EYS: variants seen among roughly 807,000 people sequenced by gnomAD.
The protein encoded by EYS is protein eyes shut homolog.
A neutral mutation model predicts 282.1 loss-of-function variants in EYS; 250 were observed. The ratio of observed to expected loss-of-function variants is 0.89; its 90% CI spans 0.80 to 0.98. The LOEUF (loss-of-function observed/expected upper bound fraction) is 0.98, where lower values mean the gene tolerates loss of function less well. Among genes scored for constraint, EYS ranks in the 50% least tolerant of loss-of-function variants. EYS has a pLI of 0.00. For synonymous variants in EYS, 1,355 were observed against 1,282.9 expected, an observed-to-expected ratio of 1.06 and a Z score of -1.20; for missense variants, 4,016 against 3,709.0, an observed-to-expected ratio of 1.08 and a Z score of -2.15.
intron 1 of EYS, among the ~76,000 whole-genome samples, chr6:65,662,765 T>C (rs559462288): frequency 6.0e-4 from 92 of 152,136 alleles, no homozygotes; most frequent in Non-Finnish European, 8.5e-4. Context: ...CTGCTAGCAT[T>C]ATCTGGAATG....
intron 33 of EYS, among the ~76,000 whole-genome samples, chr6:64,030,208 T>C (rs1006781963): frequency 1.3e-5 from 2 of 150,346 alleles, no homozygotes; most frequent in African/African-American, 4.9e-5. Flanking sequence ...ACACAGAAAG[T>C]CAAAAAGAGA....
chr6:65,151,964 A>G (rs1395540536), intron 12 of EYS, among the ~76,000 whole-genome samples: 1 of 151,990 alleles, frequency 6.6e-6, no homozygotes, highest in African/African-American at 2.4e-5. Flanking sequence ...AACCTAAATG[A>G]CATTTGTAAA....
chr6:65,577,245 A>G (rs1447769836), intron 2 of EYS, among the ~76,000 whole-genome samples: 2 of 151,854 alleles, frequency 1.3e-5, no homozygotes, highest in Non-Finnish European at 2.9e-5. Flanking sequence ...CTGTTGTCCA[A>G]TGGAACAGAA....
At position 64,297,041 on chromosome 6, in the gene EYS, G is replaced by A. The variant is rs141141851; in HGVS notation, c.6191+9929C>T. Among the ~76,000 whole-genome samples, 691 of 152,242 alleles carry A rather than the reference G, an allele frequency of 4.5e-3. 3 individuals are homozygous for A. The highest frequency in any genetic ancestry group is 0.024 in the Middle Eastern group (7 of 294). On this transcript the variant is annotated intron_variant, in intron 30 of 42. Transcript: ENST00000503581. ...TCTTAAAACAGTAGCATGCACACAC[G>A]TCCCACTTCTTAGTCATGTGGCAGG...
chr6:64,916,174 T>C (rs11754490), intron 15 of EYS, among the ~76,000 whole-genome samples: 4,754 of 152,310 alleles, frequency 0.031, 133 homozygotes, highest in East Asian at 0.13. Context: ...CCTGAGGGTA[T>C]TGCACAAGTA....
At chr6:65,344,619 T>C (rs1293038924) in intron 9 of EYS, among the ~76,000 whole-genome samples, 1 of 151,626 alleles carries the variant, frequency 6.6e-6, no homozygotes, top group Non-Finnish European at 1.5e-5. Flanking sequence ...GGCCCAGACC[T>C]AGAATTCTCA....
rs1769630645 is a variant in EYS at position 65,700,381 on chromosome 6, G to T, written c.-448+6754C>A. Among the ~76,000 whole-genome samples, 4 of 151,986 alleles carry T rather than the reference G, an allele frequency of 2.6e-5. No individual in the cohort carries two copies. The South Asian group carries it at 8.3e-4, about 32-fold the overall frequency. ...GAGTCTGCAAGAGCTTTTGACAATT[G>T]GGAAACAGAAAAGCCCAGGAATCAA... On this transcript the variant is annotated intron_variant, in intron 1 of 42. Transcript: ENST00000503581.
At position 65,596,761 on chromosome 6, in the gene EYS, T is replaced by A. The variant is rs546722455; in HGVS notation, c.-333+43017A>T. Among the ~76,000 whole-genome samples, 59 of 152,188 alleles carry A rather than the reference T, an allele frequency of 3.9e-4. No homozygotes were observed. The Middle Eastern group carries it at 0.01, about 26-fold the overall frequency. On this transcript the variant is annotated intron_variant, in intron 2 of 42. Coordinates refer to ENST00000503581, the MANE Select transcript of EYS (RefSeq NM_001142800.2). ...TTTTCTTACTTTTTATTTATAAAAC[T>A]AGAAATATTCATTACAATTATAAAA...
At position 65,440,841 on chromosome 6, in the gene EYS, A is replaced by T. The variant is rs1768287056; in HGVS notation, c.863-35474T>A. Among the ~76,000 whole-genome samples, 5 of 142,936 alleles carry T rather than the reference A, an allele frequency of 3.5e-5. No homozygotes were observed. The South Asian group carries it at 1.1e-3, about 30-fold the overall frequency. 93.8% of individuals were successfully genotyped at this position (142,936 alleles called of 152,430 possible). A position where few individuals can be genotyped will look rare whatever the true frequency, so the allele number is the denominator to read the frequency against. On this transcript the variant is annotated intron_variant, in intron 5 of 42. Coordinates refer to ENST00000503581, the MANE Select transcript of EYS (RefSeq NM_001142800.2). ...TAATTCCTTTGTGTAGAAAAAAAAT[A>T]TGTGTATATATATATATATAGATTT...
intron 33 of EYS, among the ~76,000 whole-genome samples, chr6:64,029,489 C>T (rs184676093): frequency 6.6e-6 from 1 of 152,308 alleles, no homozygotes; most frequent in East Asian, 1.9e-4. Context: ...ACCAGGTACT[C>T]CTCCTTGAGG....
At chr6:65,152,463 C>A (rs1764635708) in intron 12 of EYS, among the ~76,000 whole-genome samples, 1 of 151,852 alleles carries the variant, frequency 6.6e-6, no homozygotes, top group Admixed American at 6.6e-5. Flanking sequence ...AGAAGAGGAA[C>A]TTTCTACAAA....
At chr6:64,544,781 C>T (rs1015853791) in intron 26 of EYS, among the ~76,000 whole-genome samples, 2 of 151,982 alleles carry the variant, frequency 1.3e-5, no homozygotes, top group Non-Finnish European at 2.9e-5. Context: ...AAGAAATGGA[C>T]AAATTCTTCA....
intron 12 of EYS, among the ~76,000 whole-genome samples, chr6:65,068,812 CT>C (rs1773823417): frequency 1.3e-5 from 2 of 152,012 alleles, no homozygotes; most frequent in African/African-American, 4.8e-5. Flanking sequence ...TAATTGTTTG[CT>C]TATGTTCAAC....
chr6:64,659,852 T>C (rs1333175015), intron 22 of EYS, among the ~76,000 whole-genome samples: 3 of 151,974 alleles, frequency 2.0e-5, no homozygotes, highest in African/African-American at 7.2e-5. Context: ...TTCCAATCAA[T>C]AGAAAAAGAG....
At chr6:64,142,070 C>T (rs190500302) in intron 31 of EYS, among the ~76,000 whole-genome samples, 9 of 151,880 alleles carry the variant, frequency 5.9e-5, no homozygotes, top group East Asian at 3.9e-4. Flanking sequence ...CAAAGCAGAC[C>T]GGACAATAAG....
chr6:63,805,850 C>T (rs1156520607), intron 37 of EYS, among the ~76,000 whole-genome samples: 1 of 152,208 alleles, frequency 6.6e-6, no homozygotes, highest in African/African-American at 2.4e-5. Flanking sequence ...TCTTCCCCTT[C>T]CACCATGCTT....
intron 36 of EYS, among the ~76,000 whole-genome samples, chr6:63,848,010 AT>A (rs1351420700): frequency 2.0e-5 from 3 of 152,198 alleles, no homozygotes; most frequent in African/African-American, 7.2e-5. Context: ...AATTTGAAGC[AT>A]TTTTTATTTT....
chr6:65,372,416 T>C (rs1013690788), intron 8 of EYS, among the ~76,000 whole-genome samples: 1 of 152,098 alleles, frequency 6.6e-6, no homozygotes, highest in Non-Finnish European at 1.5e-5. Context: ...AATGCCTGAA[T>C]CATTGCAGTA....
At chr6:65,009,279 G>A (rs558015334) in intron 13 of EYS, among the ~76,000 whole-genome samples, 109 of 152,176 alleles carry the variant, frequency 7.2e-4, no homozygotes, top group Non-Finnish European at 1.4e-3. Context: ...AAAGCCCAAG[G>A]CCTAGTAAAA....
Sources: gnomAD v4.1 joint callset for allele counts (sites outside exome capture counted in the v4.1 genomes callset) on GRCh38, gnomAD v4.1.1 for gene constraint, MANE v1.5 for transcripts, NCBI Gene and HGNC (gene_info 2026-07-23, HGNC 2026-07-21) for gene names.